The following LNX2 variants were observed in gnomAD, a reference collection of about 807,000 sequenced individuals.
LNX2 encodes ligand of numb-protein X 2.
LNX2 carries 35 observed loss-of-function variants against 66.2 expected under a neutral mutation model. The ratio of observed to expected loss-of-function variants is 0.53; its 90% CI spans 0.40 to 0.70. The LOEUF (loss-of-function observed/expected upper bound fraction) is 0.70, where lower values mean the gene tolerates loss of function less well. Among genes scored for constraint, LNX2 ranks in the 30% least tolerant of loss-of-function variants. LNX2 has a pLI of 0.00. For synonymous variants in LNX2, 337 were observed against 315.6 expected (o/e 1.07, Z -0.72); for missense variants, 791 against 850.8 (o/e 0.93, Z 0.87).
At chr13:27,589,052 G>A (rs1434789258) in intron 1 of LNX2, among the ~76,000 whole-genome samples, 1 of 152,140 alleles carries the variant, frequency 6.6e-6, no homozygotes, top group Non-Finnish European at 1.5e-5. Flanking sequence ...AGAAAAGGGG[G>A]TAAATGACTG....
At chr13:27,561,102 T>TA (rs1178178461) in intron 5 of LNX2, among the ~76,000 whole-genome samples, 2 of 152,166 alleles carry the variant, frequency 1.3e-5, no homozygotes, top group African/African-American at 4.8e-5. Flanking sequence ...TAGCACAAAA[T>TA]ACGTTGAAAC....
chr13:27,574,298 G>C (rs1179121366), intron 2 of LNX2, among the ~76,000 whole-genome samples: 1 of 152,078 alleles, frequency 6.6e-6, no homozygotes, highest in Non-Finnish European at 1.5e-5. Flanking sequence ...TACAAAATTA[G>C]CCAGGTTTGG....
intron 1 of LNX2, among the ~76,000 whole-genome samples, chr13:27,604,587 G>C (rs938556778): frequency 6.6e-6 from 1 of 152,140 alleles, no homozygotes; most frequent in Non-Finnish European, 1.5e-5. Context: ...TGGTAGAAGA[G>C]ATTACACACT....
intron 1 of LNX2, among the ~76,000 whole-genome samples, chr13:27,616,175 G>T (rs546799400): frequency 7.2e-6 from 1 of 138,322 alleles, no homozygotes; most frequent in African/African-American, 2.9e-5. Flanking sequence ...GGTCGGGGGT[G>T]GGGTGGGGGG....
chr13:27,560,565 G>GTGTGTATATATATATATATA (rs35007288), intron 5 of LNX2, among the ~76,000 whole-genome samples: 5 of 119,968 alleles, frequency 4.2e-5, no homozygotes, highest in African/African-American at 1.7e-4. Flanking sequence ...ATGTATGTGT[G>GTGTGTATATATATATATATA]TATATATATA....
At chr13:27,557,098 A>C (rs1955070761) in intron 6 of LNX2, among the ~76,000 whole-genome samples, 1 of 152,186 alleles carries the variant, frequency 6.6e-6, no homozygotes, top group South Asian at 2.1e-4. Context: ...AAAGAATTTA[A>C]AACATCACTT....
At position 27,548,365 on chromosome 13, in the gene LNX2, G is replaced by A. The variant is rs142053142; in HGVS notation, c.2043C>T (p.Thr681=). The change falls in exon 10 of 10, where the codon ACC becomes ACT. Residue 681 remains threonine (T), a synonymous_variant. Transcript: ENST00000316334. ...LKEQRNKVTL[T]VICWPGSLV ...CAAGGCTGCCAGGCCAACAAATAAC[G>A]GTCAGAGTGACTTTGTTCCTCTGCT... 2.5e-5 allele frequency: 40 copies of A among 1,613,750 alleles called. No individual in the cohort carries two copies. The highest frequency in any genetic ancestry group is 5.3e-5 in the African/African-American group (4 of 74,890).
intron 1 of LNX2, among the ~76,000 whole-genome samples, chr13:27,599,577 T>G (rs140352917): frequency 1.3e-5 from 2 of 152,158 alleles, no homozygotes; most frequent in Admixed American, 6.5e-5. Context: ...TCTAACCAGG[T>G]AAAGGTCAAT....
At position 27,550,423 on chromosome 13, in the gene LNX2, A is replaced by G; in HGVS notation, c.1847T>C (p.Val616Ala). The change falls in exon 9 of 10, where the codon GTT becomes GCT. Residue 616 changes from valine to alanine, a missense_variant. By Grantham distance (64) the Val-to-Ala change is moderately conservative. Coordinates refer to ENST00000316334, the MANE Select transcript of LNX2 (RefSeq NM_153371.4). ...GGTGTGGTTCTCTTCATATCCACCA[A>G]CGATACTAAAGCCCCAACTTCCCAA... ...SYLGSWGFSI[V>A]GGYEENHTNQ... The G allele has an allele frequency of 6.2e-7, 1 of 1,614,006 alleles. No homozygotes were observed. The highest frequency in any genetic ancestry group is 1.1e-5 in the South Asian group (1 of 91,082).
intron 1 of LNX2, among the ~76,000 whole-genome samples, chr13:27,615,367 C>T (rs970794624): frequency 1.3e-5 from 2 of 152,268 alleles, no homozygotes; most frequent in African/African-American, 4.8e-5. Context: ...TCCATGCCCT[C>T]TCTGGGGCGT....
chr13:27,604,567 A>AAT (rs534850075), intron 1 of LNX2, among the ~76,000 whole-genome samples: 58 of 152,270 alleles, frequency 3.8e-4, no homozygotes, highest in African/African-American at 1.2e-3. Flanking sequence ...ATGGAGATAT[A>AAT]ATATATATAT....
chr13:27,581,714 TTCTGTATCC>T lies in LNX2; in HGVS notation c.-20_-12del. 1 of 1,582,710 alleles carries T rather than the reference TTCTGTATCC, an allele frequency of 6.3e-7. No individual in the cohort carries two copies. The highest frequency in any genetic ancestry group is 8.6e-7 in the Non-Finnish European group (1 of 1,164,066). On this transcript the variant is annotated 5_prime_UTR_variant, in exon 2 of 10. Coordinates refer to ENST00000316334, the MANE Select transcript of LNX2 (RefSeq NM_153371.4). ...ACTTGTTGTTCCCATTTTGAATCAA[TTCTGTATCC>T]TCATGTGTTAGACTTCCACTTCACG... is the stretch of plus-strand genomic sequence containing the variant.
At chr13:27,621,039 C>G (rs1195286545), upstream of LNX2, 2 of 153,054 alleles carry the variant, frequency 1.3e-5, no homozygotes, top group Non-Finnish European at 2.9e-5. Context: ...GGAAGCGCAC[C>G]TGAGGGAGCA....
intron 7 of LNX2, among the ~76,000 whole-genome samples, chr13:27,553,905 C>CA (rs1392609065): frequency 3.9e-5 from 6 of 152,104 alleles, no homozygotes; most frequent in Admixed American, 3.3e-4. Context: ...TTATTCAGGG[C>CA]AAACATCAGA....
Position 27,569,079 on chromosome 13 carries a change from T to C in LNX2, c.605A>G (p.Glu202Gly). 1 of 1,613,856 alleles carries C rather than the reference T, an allele frequency of 6.2e-7. No individual in the cohort carries two copies. Among genetic ancestry groups the C allele is most frequent in the South Asian group, 1.1e-5 (1 of 91,066 alleles). ...GGCAGGGTTGTCAAGGCCAGGCTCC[T>C]CACTCCATGTGGAAAGAGACGCTGA... Reference protein sequence around the residue: ...LTSASLSTWSEEPGLDNPAFE... With the variant: ...LTSASLSTWSGEPGLDNPAFE... Residue 202 changes from glutamate to glycine, a missense_variant, in exon 3 of 10, where the codon GAG becomes GGG. Glu to Gly is a moderately conservative substitution (Grantham distance 98). Transcript: ENST00000316334.
chr13:27,620,271 G>A (rs568615991), intron 1 of LNX2, 104 bp downstream of exon 1: 5 of 151,982 alleles, frequency 3.3e-5, no homozygotes, highest in Non-Finnish European at 7.4e-5. Context: ...GCCGCCTCCC[G>A]GGGCGCGGCG....
At chr13:27,559,006 C>A (rs568030907) in intron 6 of LNX2, among the ~76,000 whole-genome samples, 1 of 152,230 alleles carries the variant, frequency 6.6e-6, no homozygotes, top group Non-Finnish European at 1.5e-5. Flanking sequence ...GAGAATTACT[C>A]TGGTAGGTCA....
At chr13:27,563,120 AATGTGTTTACT>A (rs1385522822) in intron 4 of LNX2, among the ~76,000 whole-genome samples, 2 of 152,166 alleles carry the variant, frequency 1.3e-5, no homozygotes, top group East Asian at 3.8e-4. Flanking sequence ...TCATCTGTAA[AATGTGTTTACT>A]TCATGGGATC....
At chr13:27,566,715 AG>A (rs1010637130) in intron 4 of LNX2, among the ~76,000 whole-genome samples, 1 of 152,116 alleles carries the variant, frequency 6.6e-6, no homozygotes, top group African/African-American at 2.4e-5. Flanking sequence ...AAATGGAAGT[AG>A]GGGGTAGATA....
Sources: allele counts gnomAD v4.1 joint callset (sites outside exome capture counted in the v4.1 genomes callset), GRCh38; gene constraint gnomAD v4.1.1; transcripts MANE v1.5; gene names NCBI Gene and HGNC (gene_info 2026-07-23, HGNC 2026-07-21).